Variants in AKAP13 observed in about 807,000 individuals in gnomAD.
The protein encoded by AKAP13 is A-kinase anchor protein 13.
In AKAP13, 80 loss-of-function variants were observed where a neutral mutation model predicts 264.5. The ratio of observed to expected loss-of-function variants is 0.30; its 90% confidence interval spans 0.25 to 0.36. The LOEUF (loss-of-function observed/expected upper bound fraction) is 0.36, where lower values mean the gene tolerates loss of function less well. Ranked by LOEUF, AKAP13 falls within the 10% of genes least tolerant of loss-of-function variation. The probability of loss-of-function intolerance (pLI) is 1.00; values close to 1 mark genes in which losing one functional copy is unlikely to be tolerated. For missense variants in AKAP13, 3,712 were observed against 3,435.2 expected (o/e 1.08, Z -2.01); for synonymous variants, 1,380 against 1,250.2 (o/e 1.10, Z -2.19).
chr15:85,648,439 T>C (rs950485881), intron 10 of AKAP13, among the ~76,000 whole-genome samples: 8 of 152,214 alleles, frequency 5.3e-5, no homozygotes, highest in African/African-American at 1.7e-4. Context: ...AGAATTAGAA[T>C]TTTCTATATT....
At chr15:85,382,635 T>C (rs1162391052) in intron 1 of AKAP13, among the ~76,000 whole-genome samples, 1 of 152,210 alleles carries the variant, frequency 6.6e-6, no homozygotes, top group Non-Finnish European at 1.5e-5. Flanking sequence ...ATACTGTAGG[T>C]ACTATTGTTT....
At chr15:85,414,701 C>G (rs984741121) in intron 1 of AKAP13, among the ~76,000 whole-genome samples, 7 of 152,156 alleles carry the variant, frequency 4.6e-5, no homozygotes, top group Admixed American at 2.0e-4. Flanking sequence ...GGATGCATTT[C>G]TAAGATGAAT....
chr15:85,722,418 C>T (rs1475437382), intron 25 of AKAP13, 71 bp downstream of exon 25: 1 of 1,266,242 alleles, frequency 7.9e-7, no homozygotes, highest in Non-Finnish European at 1.1e-6. Flanking sequence ...GTACTGGAAG[C>T]CCCATGGAAG....
In AKAP13 at chr15:85,579,759, A is replaced by G. The variant is rs1231787764; in HGVS notation, c.1691A>G (p.Lys564Arg). ...AFSNEETSTE[K>R]TAETETSRSR... ...AGTAATGAAGAAACCTCCACTGAAA[A>G]AACAGCAGAAACGGAAACTTCACGA... Residue 564 changes from lysine to arginine, a missense_variant, in exon 7 of 37, where the codon AAA becomes AGA. By Grantham distance (26) the Lys-to-Arg change is conservative. Around this residue, in one of 3 missense-constraint regions of AKAP13, gnomAD observed 2,759 missense variants for 2,411.7 expected, o/e 1.14. Coordinates refer to ENST00000394518, the MANE Select transcript of AKAP13 (RefSeq NM_007200.5). The G allele has an allele frequency of 1.2e-6, 2 of 1,614,232 alleles. No individual in the cohort carries two copies. The highest frequency in any genetic ancestry group is 1.7e-6 in the Non-Finnish European group (2 of 1,180,034).
intron 1 of AKAP13, among the ~76,000 whole-genome samples, chr15:85,483,963 A>G (rs2075441676): frequency 2.6e-5 from 4 of 152,142 alleles, no homozygotes; most frequent in Admixed American, 2.0e-4. Flanking sequence ...AGATTGGACG[A>G]CACTCTTTTA....
chr15:85,578,932 A>C lies in AKAP13; in HGVS notation c.864A>C (p.Lys288Asn). Residue 288 changes from lysine (K) to asparagine (N), a missense_variant and splice_region_variant, in exon 7 of 37, where the codon AAA becomes AAC. Physicochemically the swap from Lys to Asn is moderately conservative, Grantham distance 94 (BLOSUM62 0). Around this residue, in one of 3 missense-constraint regions of AKAP13, gnomAD observed 2,759 missense variants for 2,411.7 expected, o/e 1.14. Coordinates refer to ENST00000394518, the MANE Select transcript of AKAP13 (RefSeq NM_007200.5). ...AAGTGTATTTCATTTCCTCCTAGAA[A>C]ACAAACCTCAAGCAGATGGACAGTC... ...KLMNIQQQLM[K>N]TNLKQMDSLM... 6.2e-7 allele frequency: 1 copy of C among 1,603,560 alleles called. No individual in the cohort carries two copies. The highest frequency in any genetic ancestry group is 8.5e-7 in the Non-Finnish European group (1 of 1,172,290).
intron 17 of AKAP13, among the ~76,000 whole-genome samples, chr15:85,704,757 G>T (rs1460754969): frequency 1.3e-5 from 2 of 152,232 alleles, no homozygotes; most frequent in African/African-American, 4.8e-5. Context: ...ACATGGTATG[G>T]TTTGTGGCAG....
chr15:85,469,048 T>G (rs1404555280), intron 1 of AKAP13, among the ~76,000 whole-genome samples: 2 of 137,332 alleles, frequency 1.5e-5, no homozygotes, highest in Non-Finnish European at 3.1e-5. Context: ...CCCAGTAGCT[T>G]GGACTACAGG....
intron 10 of AKAP13, among the ~76,000 whole-genome samples, chr15:85,650,185 T>C (rs1389823258): frequency 6.6e-6 from 1 of 152,068 alleles, no homozygotes; most frequent in Non-Finnish European, 1.5e-5. Context: ...ATCCCAACAC[T>C]TCGGGAGGCT....
chr15:85,581,940 G>T lies in AKAP13; in HGVS notation c.3872G>T (p.Gly1291Val), dbSNP rs779804228. 6.2e-7 allele frequency: 1 copy of T among 1,614,184 alleles called. No homozygotes were observed. Among genetic ancestry groups the T allele is most frequent in the Non-Finnish European group, 8.5e-7 (1 of 1,180,018 alleles). The change falls in exon 7 of 37, where the codon GGA becomes GTA. Residue 1291 changes from glycine (G) to valine (V), a missense_variant. By Grantham distance (109) the Gly-to-Val change is moderately radical. This residue lies in a region of AKAP13 where 2,759 missense variants were observed against 2,411.7 expected (regional missense o/e 1.14). Transcript: ENST00000394518. ...SSPELGPLTK[G>V]LESAFTEKVS... ...CCTGAGTTGGGTCCTCTCACTAAAG[G>T]ACTAGAGAGTGCTTTTACAGAAAAA... is the stretch of plus-strand genomic sequence containing the variant.
Position 85,581,143 on chromosome 15 carries a change from C to T in AKAP13, c.3075C>T (p.Ala1025=). ...TGGTGCCACCAGGAGCAAGTCTGGC[C>T]ACAGAGTCAAGGCAGGAAGCCTTGG... The part of the protein sequence containing the change: ...QSLVPPGASL[A]TESRQEALGA... Residue 1025 remains alanine, a synonymous_variant, in exon 7 of 37, where the codon GCC becomes GCT. Coordinates refer to ENST00000394518, the MANE Select transcript of AKAP13 (RefSeq NM_007200.5). The T allele has an allele frequency of 6.2e-7, 1 of 1,614,010 alleles. No homozygotes were observed. The highest frequency in any genetic ancestry group is 2.2e-5 in the East Asian group (1 of 44,856).
At position 85,661,721 on chromosome 15, in the gene AKAP13, TG is replaced by T. The variant is rs200899633; in HGVS notation, c.4800-2836del. ...GGGCAACAAGAGTGAAACTCCGTCT[TG>T]GGGGGTAGTTTTCATTATCATTAAA... On this transcript the variant is annotated intron_variant, in intron 12 of 36. Coordinates refer to ENST00000394518, the MANE Select transcript of AKAP13 (RefSeq NM_007200.5). 6.7e-3 allele frequency among the ~76,000 whole-genome samples: 1,018 copies of T among 152,116 alleles called. 18 individuals are homozygous for T. The highest frequency in any genetic ancestry group is 0.024 in the African/African-American group (980 of 41,516).
At chr15:85,500,011 A>ACAGCTTT (rs2075999335) in intron 2 of AKAP13, among the ~76,000 whole-genome samples, 1 of 152,190 alleles carries the variant, frequency 6.6e-6, no homozygotes, top group African/African-American at 2.4e-5. Context: ...TTCTTTGGGA[A>ACAGCTTT]AGGGTGTTGC....
Position 85,735,088 on chromosome 15 carries a change from C to G in AKAP13, c.7379C>G (p.Ser2460Cys), listed in dbSNP as rs145294620. 5.0e-6 allele frequency: 8 copies of G among 1,614,202 alleles called. No homozygotes were observed. Among genetic ancestry groups the G allele is most frequent in the Non-Finnish European group, 6.8e-6 (8 of 1,180,028 alleles). ...PIEQDVVGPV[S>C]LPRRAETFGG... ...GAGCAAGATGTGGTCGGTCCCGTTT[C>G]CCTGCCCCGGAGAGCAGAGACCTTT... Residue 2460 changes from serine (S) to cysteine (C), a missense_variant, in exon 31 of 37, where the codon TCC becomes TGC. Physicochemically the swap from Ser to Cys is moderately radical, Grantham distance 112. Coordinates refer to ENST00000394518, the MANE Select transcript of AKAP13 (RefSeq NM_007200.5).
chr15:85,406,631 A>T (rs2071680744), intron 1 of AKAP13, among the ~76,000 whole-genome samples: 1 of 151,402 alleles, frequency 6.6e-6, no homozygotes, highest in Non-Finnish European at 1.5e-5. Flanking sequence ...TACAGCAGTT[A>T]CTGACCTTTC....
chr15:85,647,876 C>T (rs913853606), intron 10 of AKAP13, among the ~76,000 whole-genome samples: 62 of 151,794 alleles, frequency 4.1e-4, no homozygotes, highest in Admixed American at 2.9e-3. Context: ...TGCAGTGAGC[C>T]GAGATTGTGC....
intron 8 of AKAP13, among the ~76,000 whole-genome samples, chr15:85,602,080 A>C (rs12324474): frequency 0.47 from 71,338 of 151,696 alleles, 17,599 homozygotes; most frequent in Middle Eastern, 0.62. Flanking sequence ...GAACTACCTT[A>C]ATAGTTTTCT....
chr15:85,730,472 A>G (rs1464717181), intron 29 of AKAP13, 41 bp from the exon 30 acceptor site: 1 of 1,598,290 alleles, frequency 6.3e-7, no homozygotes, highest in African/African-American at 1.3e-5. Context: ...CGTAATTACT[A>G]AACACCAATC....
At chr15:85,614,476 T>C (rs1036936499) in intron 8 of AKAP13, among the ~76,000 whole-genome samples, 2 of 152,210 alleles carry the variant, frequency 1.3e-5, no homozygotes, top group African/African-American at 4.8e-5. Flanking sequence ...AATATTGAAA[T>C]GTTGGCAGAG....
Sources: gnomAD v4.1 joint callset for allele counts (sites outside exome capture counted in the v4.1 genomes callset) on GRCh38, gnomAD v4.1.1 for gene constraint, gnomAD v4.1.1 regional missense constraint, MANE v1.5 for transcripts, NCBI Gene and HGNC (gene_info 2026-07-23, HGNC 2026-07-21) for gene names.